Variants in RAD50 observed in about 807,000 individuals in gnomAD.
The protein encoded by RAD50 is RAD50 double strand break repair protein, also known as DNA repair protein RAD50.
RAD50 carries 132 observed loss-of-function variants against 168.8 expected under a neutral mutation model. The ratio of observed to expected loss-of-function variants is 0.78; its 90% confidence interval spans 0.68 to 0.90. The LOEUF (loss-of-function observed/expected upper bound fraction) is 0.90, where lower values mean the gene tolerates loss of function less well. Among genes scored for constraint, RAD50 ranks in the 40% least tolerant of loss-of-function variants. The probability of loss-of-function intolerance (pLI) is 0.00; values close to 1 mark genes in which losing one functional copy is unlikely to be tolerated. For missense variants in RAD50, 1,347 were observed against 1,534.4 expected (o/e 0.88, Z 2.04); for synonymous variants, 525 against 497.4 (o/e 1.06, Z -0.74).
At chr5:132,576,535 C>G (rs924711724) in intron 3 of RAD50, among the ~76,000 whole-genome samples, 3 of 152,130 alleles carry the variant, frequency 2.0e-5, no homozygotes, top group African/African-American at 7.2e-5. Context: ...CTAAGTAATT[C>G]CTTTATTTAA....
At position 132,595,629 on chromosome 5, in the gene RAD50, G is replaced by T. The variant is rs773761143; in HGVS notation, c.2026G>T (p.Glu676Ter). ...CCAGTTCATTACTCAGCTAACAGAC[G>T]AAAACCAGTCATGTTGCCCCGTTTG... ...YSQFITQLTD[E>*]NQSCCPVCQR... The change falls in exon 13 of 25, where the codon GAA (glutamate) becomes TAA (stop). Residue 676 changes from glutamate (E) to a stop codon, truncating the protein, a stop_gained. Coordinates refer to ENST00000378823, the MANE Select transcript of RAD50 (RefSeq NM_005732.4). LOFTEE classifies it high-confidence loss of function. 64 of 1,614,088 alleles carry T rather than the reference G, an allele frequency of 4.0e-5. No homozygotes were observed. Among genetic ancestry groups the T allele is most frequent in the Non-Finnish European group, 4.5e-5 (53 of 1,179,980 alleles).
intron 5 of RAD50, among the ~76,000 whole-genome samples, chr5:132,581,253 C>T (rs994167355): frequency 2.0e-5 from 3 of 150,620 alleles, no homozygotes; most frequent in African/African-American, 7.5e-5. Context: ...GCATGAGCCA[C>T]CACGCCCGGC....
intron 2 of RAD50, among the ~76,000 whole-genome samples, chr5:132,564,661 G>A (rs912356672): frequency 3.7e-4 from 57 of 152,190 alleles, no homozygotes; most frequent in Non-Finnish European, 8.8e-5. Context: ...ATTCAAGCCG[G>A]CTGCAGAAAT....
At chr5:132,626,196 T>C (rs2149857489) in intron 21 of RAD50, among the ~76,000 whole-genome samples, 1 of 152,326 alleles carries the variant, frequency 6.6e-6, no homozygotes, top group East Asian at 1.9e-4. Context: ...TCCATTTATC[T>C]GTTGATGGAC....
intron 2 of RAD50, among the ~76,000 whole-genome samples, chr5:132,567,300 A>G (rs1023241543): frequency 1.3e-5 from 2 of 152,192 alleles, no homozygotes; most frequent in African/African-American, 2.4e-5. Flanking sequence ...TGAAACAACT[A>G]TTTTCAGGCA....
intron 13 of RAD50, among the ~76,000 whole-genome samples, chr5:132,600,962 A>C (rs1750877445): frequency 6.6e-6 from 1 of 152,140 alleles, no homozygotes; most frequent in South Asian, 2.1e-4. Context: ...ATTTTAAAAA[A>C]CCTTGTGAAT....
At chr5:132,641,668 A>AATG (rs1327470013) in intron 24 of RAD50, 2 of 159,332 alleles carry the variant, frequency 1.3e-5, no homozygotes, top group Non-Finnish European at 2.8e-5. Flanking sequence ...GTGTCATAGT[A>AATG]ATGATGCATC....
At position 132,637,044 on chromosome 5, in the gene RAD50, T is replaced by C. The variant is rs1581020100; in HGVS notation, c.3390-71T>C. On this transcript the variant is annotated intron_variant, in intron 21 of 24. Coordinates refer to ENST00000378823, the MANE Select transcript of RAD50 (RefSeq NM_005732.4). ...TATTTTTTATATATTATATATTTTA[T>C]GTATTTTAATATTACTATTACACAT... 3 of 1,087,498 alleles carry C rather than the reference T, an allele frequency of 2.8e-6. No homozygotes were observed. The East Asian group carries it at 1.4e-4, about 51-fold the overall frequency. The allele number at this position is 1,087,498 out of a possible 1,614,324, so 67.4% of individuals were successfully genotyped here.
At chr5:132,571,364 G>T (rs1449108507) in intron 2 of RAD50, among the ~76,000 whole-genome samples, 1 of 152,112 alleles carries the variant, frequency 6.6e-6, no homozygotes, top group East Asian at 1.9e-4. Flanking sequence ...AATTCATTCA[G>T]GTAAGAAACA....
intron 19 of RAD50, among the ~76,000 whole-genome samples, chr5:132,610,932 T>G (rs1266504232): frequency 6.6e-6 from 1 of 152,196 alleles, no homozygotes; most frequent in South Asian, 2.1e-4. Context: ...GTTCCAGAAA[T>G]TATTTACTTA....
chr5:132,571,199 T>C (rs1222437410), intron 2 of RAD50, among the ~76,000 whole-genome samples: 1 of 152,168 alleles, frequency 6.6e-6, no homozygotes, highest in Non-Finnish European at 1.5e-5. Context: ...TTTGAAATAT[T>C]GTGAGAATTA....
intron 3 of RAD50, among the ~76,000 whole-genome samples, chr5:132,576,713 A>C (rs966495419): frequency 4.6e-5 from 7 of 152,150 alleles, no homozygotes; most frequent in Non-Finnish European, 7.4e-5. Flanking sequence ...CTCTCAAAAG[A>C]GTTGTTGATA....
intron 2 of RAD50, among the ~76,000 whole-genome samples, chr5:132,567,434 C>A (rs1390540333): frequency 1.3e-5 from 2 of 152,138 alleles, no homozygotes; most frequent in African/African-American, 4.8e-5. Context: ...GAATTGGAAT[C>A]CAGTAGAGAG....
intron 11 of RAD50, chr5:132,593,024 C>A: frequency 2.8e-6 from 1 of 358,672 alleles, no homozygotes; most frequent in Non-Finnish European, 5.8e-6. Flanking sequence ...TCAGTTAGGG[C>A]ATGAAGAAGA....
chr5:132,581,448 T>C (rs1275422036), intron 5 of RAD50, among the ~76,000 whole-genome samples: 1 of 152,214 alleles, frequency 6.6e-6, no homozygotes. Context: ...ACTTTTCTTT[T>C]AAAAGTAATA....
chr5:132,632,063 T>G (rs78214169), intron 21 of RAD50, among the ~76,000 whole-genome samples: 3,697 of 152,298 alleles, frequency 0.024, 111 homozygotes, highest in African/African-American at 0.077. Flanking sequence ...TACCTGGGCT[T>G]TCCCATTTCA....
intron 2 of RAD50, among the ~76,000 whole-genome samples, chr5:132,573,264 A>C (rs748491214): frequency 6.6e-6 from 1 of 152,208 alleles, no homozygotes; most frequent in Non-Finnish European, 1.5e-5. Flanking sequence ...GGCAATTTAC[A>C]AAAGAAAGAG....
Position 132,596,243 on chromosome 5 carries a change from A to C in RAD50, c.2207+433A>C, listed in dbSNP as rs562070872. On this transcript the variant is annotated intron_variant, in intron 13 of 24. Transcript: ENST00000378823. ...CTCCTGGCCTCAAAGTGATTGGCCC[A>C]CCTCGGCCTCCCAAAGTGCTGGGAT... Among the ~76,000 whole-genome samples the C allele has an allele frequency of 2.5e-3, 376 of 152,224 alleles. 5 individuals are homozygous for C. Among genetic ancestry groups the C allele is most frequent in the African/African-American group, 8.7e-3 (360 of 41,534 alleles).
At chr5:132,597,402 TTATTTAAGGTAC>T (rs1234388741) in intron 13 of RAD50, among the ~76,000 whole-genome samples, 1 of 152,150 alleles carries the variant, frequency 6.6e-6, no homozygotes, top group African/African-American at 2.4e-5. Flanking sequence ...CAACATTAGG[TTATTTAAGGTAC>T]TATGGCTTCT....
Sources: gnomAD v4.1 joint callset for allele counts (sites outside exome capture counted in the v4.1 genomes callset) on GRCh38, gnomAD v4.1.1 for gene constraint, MANE v1.5 for transcripts, NCBI Gene and HGNC (gene_info 2026-07-23, HGNC 2026-07-21) for gene names.